ARHGEF26: variants seen among roughly 807,000 people sequenced by gnomAD.
ARHGEF26 encodes the protein Rho guanine nucleotide exchange factor (GEF) 26.
ARHGEF26 carries 59 observed loss-of-function variants against 89.4 expected under a neutral mutation model. That is an observed-to-expected ratio of 0.66 (90% CI 0.54 to 0.82). ARHGEF26 has a LOEUF of 0.82. Ranked by LOEUF, ARHGEF26 falls within the 40% of genes least tolerant of loss-of-function variation. The probability of loss-of-function intolerance (pLI) is 0.00; values close to 1 mark genes in which losing one functional copy is unlikely to be tolerated. For synonymous variants in ARHGEF26, 500 were observed against 428.4 expected, an observed-to-expected ratio of 1.17 and a Z score of -2.06; for missense variants, 1,234 against 1,085.6, an observed-to-expected ratio of 1.14 and a Z score of -1.92.
rs1196163080 is a variant in ARHGEF26 at position 154,256,883 on chromosome 3, A to G, written c.*1410A>G. On this transcript the variant is annotated 3_prime_UTR_variant, in exon 15 of 15. Coordinates refer to ENST00000465093, the MANE Select transcript of ARHGEF26 (RefSeq NM_015595.4). The stretch of plus-strand genomic sequence containing the variant: ...TTTCCACTAGTGCACAGAGAGAGAA[A>G]GGTTATCTTAATAGTCGGTTTCATG... The G allele has an allele frequency of 6.5e-7, 1 of 1,534,944 alleles. No homozygotes were observed. The highest frequency in any genetic ancestry group is 8.7e-7 in the Non-Finnish European group (1 of 1,146,658).
chr3:154,246,124 T>C (rs1717787827), intron 12 of ARHGEF26, among the ~76,000 whole-genome samples: 1 of 151,394 alleles, frequency 6.6e-6, no homozygotes, highest in African/African-American at 2.4e-5. Context: ...AATTGGGGGG[T>C]GGTGAGGATA....
chr3:154,218,247 A>G (rs762769610), intron 10 of ARHGEF26, among the ~76,000 whole-genome samples: 66 of 152,210 alleles, frequency 4.3e-4, no homozygotes, highest in Non-Finnish European at 8.5e-4. Flanking sequence ...AGTTAAAATA[A>G]TAGAATTTTA....
chr3:154,240,501 C>CCAGTCACCTCTTTACTCTGA lies in ARHGEF26; in HGVS notation c.2228_2247dup (p.Leu750ThrfsTer5), dbSNP rs71684999. 2 of 1,613,262 alleles carry CCAGTCACCTCTTTACTCTGA rather than the reference C, an allele frequency of 1.2e-6. No homozygotes were observed. The highest frequency in any genetic ancestry group is 3.3e-5 in the Admixed American group (2 of 59,938). Reference sequence around the variant, plus strand: ...ATGCTCTATTCAAGACAGAGCTCTGCCAGTCACCTCTTTACTCTGACAGTC... The same window carrying CCAGTCACCTCTTTACTCTGA: ...ATGCTCTATTCAAGACAGAGCTCTGCCAGTCACCTCTTTACTCTGACAGTCACCTCTTTACTCTGACAGTC... On this transcript the variant is annotated frameshift_variant, in exon 12 of 15. Coordinates refer to ENST00000465093, the MANE Select transcript of ARHGEF26 (RefSeq NM_015595.4). LOFTEE classifies it high-confidence loss of function.
At chr3:154,180,473 C>G (rs919814410) in intron 6 of ARHGEF26, among the ~76,000 whole-genome samples, 3 of 150,850 alleles carry the variant, frequency 2.0e-5, no homozygotes, top group Admixed American at 2.0e-4. Context: ...AGAAATGTTC[C>G]ACCACTTCTC....
At chr3:154,229,917 CATT>C (rs888123986) in intron 11 of ARHGEF26, among the ~76,000 whole-genome samples, 25 of 152,212 alleles carry the variant, frequency 1.6e-4, no homozygotes, top group Non-Finnish European at 1.3e-4. Context: ...TAACAAATAA[CATT>C]ATAATATCCA....
intron 13 of ARHGEF26, among the ~76,000 whole-genome samples, chr3:154,253,793 C>G (rs1718310463): frequency 6.6e-6 from 1 of 152,056 alleles, no homozygotes; most frequent in Admixed American, 6.6e-5. Context: ...AGGTCAAATC[C>G]AAAGAATTAG....
intron 12 of ARHGEF26, among the ~76,000 whole-genome samples, chr3:154,244,771 A>G (rs145228827): frequency 5.3e-5 from 8 of 152,102 alleles, no homozygotes; most frequent in Non-Finnish European, 2.9e-5. Context: ...GAAGTGACTC[A>G]CAAAGGCCAT....
chr3:154,129,732 C>T lies in ARHGEF26; in HGVS notation c.1269+13C>T, dbSNP rs2108047480. On this transcript the variant is annotated intron_variant, in intron 4 of 14. Transcript: ENST00000465093. ...CCAACTCTCTGCGGTGAGTGTTTATCTTCTTTTCTATCTGTGGTAGGAAAA... is the reference window on the plus strand; with the variant it reads ...CCAACTCTCTGCGGTGAGTGTTTATTTTCTTTTCTATCTGTGGTAGGAAAA... 2 of 1,600,330 alleles carry T rather than the reference C, an allele frequency of 1.2e-6. No individual in the cohort carries two copies. The highest frequency in any genetic ancestry group is 1.7e-4 in the Middle Eastern group (1 of 6,012).
chr3:154,253,709 A>G (rs1166015642), intron 13 of ARHGEF26, among the ~76,000 whole-genome samples: 1 of 152,204 alleles, frequency 6.6e-6, no homozygotes, highest in African/African-American at 2.4e-5. Context: ...AAACTGGCGC[A>G]GTGAAGGGGG....
intron 8 of ARHGEF26, among the ~76,000 whole-genome samples, chr3:154,192,268 C>T: frequency 6.6e-6 from 1 of 152,258 alleles, no homozygotes; most frequent in Non-Finnish European, 1.5e-5. Context: ...CTGATTTTGA[C>T]TAATCAAAAC....
chr3:154,161,386 A>G (rs1036403049), intron 6 of ARHGEF26, among the ~76,000 whole-genome samples: 1 of 152,152 alleles, frequency 6.6e-6, no homozygotes, highest in African/African-American at 2.4e-5. Context: ...TTCTCATTTA[A>G]TAAGGATGAT....
chr3:154,149,658 C>T (rs537742420), intron 5 of ARHGEF26, among the ~76,000 whole-genome samples: 4 of 152,188 alleles, frequency 2.6e-5, no homozygotes, highest in Non-Finnish European at 5.9e-5. Context: ...CACTCAACAT[C>T]GTTTGATTTT....
intron 9 of ARHGEF26, among the ~76,000 whole-genome samples, chr3:154,203,512 A>G (rs1714795899): frequency 6.6e-6 from 1 of 152,180 alleles, no homozygotes; most frequent in Admixed American, 6.5e-5. Context: ...CTAGGATTCC[A>G]GTACTATGTC....
intron 9 of ARHGEF26, among the ~76,000 whole-genome samples, chr3:154,213,218 T>A (rs1973792): frequency 0.032 from 3,446 of 107,866 alleles, 48 homozygotes; most frequent in African/African-American, 0.052. Context: ...AGAGAGAGAG[T>A]GTGTGTGTGT....
At chr3:154,209,794 AG>A (rs1167637004) in intron 9 of ARHGEF26, among the ~76,000 whole-genome samples, 2 of 152,324 alleles carry the variant, frequency 1.3e-5, no homozygotes, top group East Asian at 3.9e-4. Context: ...CTCTACAGTC[AG>A]TCGACGGCAA....
chr3:154,239,261 GGAGAGAGAGAGAGAGAGA>G (rs869046214), intron 11 of ARHGEF26, among the ~76,000 whole-genome samples: 28 of 105,664 alleles, frequency 2.6e-4, no homozygotes, highest in African/African-American at 1.1e-3. Context: ...AGAGAGAGAG[GGAGAGAGAGAGAGAGAGA>G]GAGAGAGAGA....
At chr3:154,214,191 T>G (rs1038403707) in intron 9 of ARHGEF26, among the ~76,000 whole-genome samples, 1 of 152,196 alleles carries the variant, frequency 6.6e-6, no homozygotes, top group Non-Finnish European at 1.5e-5. Flanking sequence ...ATGAAGGGTC[T>G]TGCTAAGACT....
intron 12 of ARHGEF26, among the ~76,000 whole-genome samples, chr3:154,241,509 TC>T (rs1220161751): frequency 2.6e-5 from 4 of 152,200 alleles, no homozygotes; most frequent in Non-Finnish European, 5.9e-5. Context: ...TTAACAGTGT[TC>T]CTAGATGATT....
chr3:154,244,422 C>T (rs2108289460), intron 12 of ARHGEF26, among the ~76,000 whole-genome samples: 1 of 152,244 alleles, frequency 6.6e-6, no homozygotes, highest in East Asian at 1.9e-4. Context: ...ATATGCCAGG[C>T]ACTGAGCCAG....
Sources: gnomAD v4.1 joint callset for allele counts (sites outside exome capture counted in the v4.1 genomes callset) on GRCh38, gnomAD v4.1.1 for gene constraint, MANE v1.5 for transcripts, NCBI Gene and HGNC (gene_info 2026-07-23, HGNC 2026-07-21) for gene names.